The following TUBA3D variants were observed in gnomAD, a reference collection of about 807,000 sequenced individuals.
TUBA3D encodes the protein tubulin alpha 3d, also known as tubulin alpha-3D chain.
TUBA3D carries 24 observed loss-of-function variants against 36.1 expected under a neutral mutation model. The ratio of observed to expected loss-of-function variants is 0.66; its 90% CI spans 0.48 to 0.93. The LOEUF (loss-of-function observed/expected upper bound fraction) is 0.93, where lower values mean the gene tolerates loss of function less well. TUBA3D is among the 40% of genes least tolerant of loss of function. TUBA3D has a pLI of 0.00. For synonymous variants in TUBA3D, 185 were observed against 247.2 expected (o/e 0.75, Z 2.36); for missense variants, 356 against 614.5 (o/e 0.58, Z 4.45).
At position 131,480,505 on chromosome 2, in the gene TUBA3D, C is replaced by T; in HGVS notation, c.812C>T (p.Thr271Ile). ...PYPRIHFPLA[T>I]YAPVISAEKA... ...CCCCGCATCCACTTCCCCCTGGCCA[C>T]CTATGCCCCAGTCATCTCAGCTGAG... The change falls in exon 4 of 5, where the codon ACC (threonine) becomes ATC (isoleucine). Residue 271 changes from threonine (T) to isoleucine (I), a missense_variant. Around this residue, in one of 3 missense-constraint regions of TUBA3D, gnomAD observed 91 missense variants for 240.9 expected, o/e 0.38. Coordinates refer to ENST00000321253, the MANE Select transcript of TUBA3D (RefSeq NM_080386.4). 6.3e-7 allele frequency: 1 copy of T among 1,592,300 alleles called. No homozygotes were observed. Among genetic ancestry groups the T allele is most frequent in the Non-Finnish European group, 8.5e-7 (1 of 1,173,036 alleles).
In TUBA3D at chr2:131,480,224, C is replaced by G. The variant is rs745448283; in HGVS notation, c.531C>G (p.Val177=). ...TTGCCATTTACCCAGCCCCCCAGGT[C>G]TCCACAGCCGTGGTGGAGCCCTACA... The part of the protein sequence containing the change: ...LEFAIYPAPQ[V]STAVVEPYNS... Residue 177 remains valine (V), a synonymous_variant, in exon 4 of 5, where the codon GTC becomes GTG. Transcript: ENST00000321253. 1.2e-6 allele frequency: 2 copies of G among 1,614,030 alleles called. No individual in the cohort carries two copies. The highest frequency in any genetic ancestry group is 1.7e-6 in the Non-Finnish European group (2 of 1,180,046).
intron 4 of TUBA3D, among the ~76,000 whole-genome samples, chr2:131,481,539 A>G (rs368211713): frequency 3.3e-5 from 5 of 151,096 alleles, no homozygotes; most frequent in Admixed American, 6.6e-5. Context: ...GGGCTCAAGC[A>G]GTTCTCTGCC....
Position 131,482,856 on chromosome 2 carries a change from G to C in TUBA3D, c.*8G>C. The C allele has an allele frequency of 6.2e-7, 1 of 1,610,478 alleles. No homozygotes were observed. Among genetic ancestry groups the C allele is most frequent in the South Asian group, 1.1e-5 (1 of 90,712 alleles). On this transcript the variant is annotated 3_prime_UTR_variant, in exon 5 of 5. Transcript: ENST00000321253. The stretch of plus-strand genomic sequence containing the variant: ...GAAGGCGAAGAATACTGAGGGGAGG[G>C]TGTGGTGGGTTCTCCCCTGCCACCC...
chr2:131,482,923 G>A lies in TUBA3D; in HGVS notation c.*75G>A. On this transcript the variant is annotated 3_prime_UTR_variant, in exon 5 of 5. Coordinates refer to ENST00000321253, the MANE Select transcript of TUBA3D (RefSeq NM_080386.4). ...CAAGTTGTTTGCAATTAAAGGTTCT[G>A]TATAAAACCAAGCCCTCTGTGTGTC... 1.3e-6 allele frequency: 2 copies of A among 1,558,978 alleles called. No homozygotes were observed. Among genetic ancestry groups the A allele is most frequent in the Non-Finnish European group, 1.7e-6 (2 of 1,151,788 alleles).
intron 2 of TUBA3D, chr2:131,478,771 A>T (rs1678754729): frequency 3.5e-6 from 1 of 285,054 alleles, no homozygotes; most frequent in African/African-American, 2.2e-5. Context: ...CATAGAAGGT[A>T]AGTACAGAAC....
In TUBA3D at chr2:131,476,197, G is replaced by C. The variant is rs200249448; in HGVS notation, c.-3G>C. On this transcript the variant is annotated 5_prime_UTR_variant, in exon 1 of 5. Coordinates refer to ENST00000321253, the MANE Select transcript of TUBA3D (RefSeq NM_080386.4). ...GCGTTGGGCTGAAGCAGCGGAGTTC[G>C]CCATGGTAAGGCCCGGGTCACTCCC... The C allele has an allele frequency of 6.2e-7, 1 of 1,613,836 alleles. No individual in the cohort carries two copies. Among genetic ancestry groups the C allele is most frequent in the African/African-American group, 1.3e-5 (1 of 74,928 alleles).
At position 131,482,877 on chromosome 2, in the gene TUBA3D, C is replaced by T. The variant is rs768500922; in HGVS notation, c.*29C>T. 2.5e-6 allele frequency: 4 copies of T among 1,600,196 alleles called. No individual in the cohort carries two copies. Among genetic ancestry groups the T allele is most frequent in the Non-Finnish European group, 3.4e-6 (4 of 1,171,884 alleles). ...GAGGGTGTGGTGGGTTCTCCCCTGC[C>T]ACCCCCGGGATGGCTGCTTCCAAGT... On this transcript the variant is annotated 3_prime_UTR_variant, in exon 5 of 5. Coordinates refer to ENST00000321253, the MANE Select transcript of TUBA3D (RefSeq NM_080386.4).
At chr2:131,479,206 T>A (rs1204669894) in intron 2 of TUBA3D, 102 bp from the exon 3 acceptor site, 1 of 1,514,050 alleles carries the variant, frequency 6.6e-7, no homozygotes, top group Non-Finnish European at 8.9e-7. Context: ...GGTCATGTAC[T>A]TTGAACAGCA....
In TUBA3D at chr2:131,476,153, C is replaced by T. The variant is rs1397564084; in HGVS notation, c.-47C>T. The T allele has an allele frequency of 3.1e-6, 5 of 1,613,302 alleles. No individual in the cohort carries two copies. The East Asian group carries it at 6.7e-5, about 22-fold the overall frequency. ...TTGGGCGCTCAGCAGCTGTGGCAGCCGGTTGAGGTCTGGCAGTAGCGTTGG... is the reference window on the plus strand; with the variant it reads ...TTGGGCGCTCAGCAGCTGTGGCAGCTGGTTGAGGTCTGGCAGTAGCGTTGG... On this transcript the variant is annotated 5_prime_UTR_variant, in exon 1 of 5. Transcript: ENST00000321253.
At position 131,478,097 on chromosome 2, in the gene TUBA3D, T is replaced by C. The variant is rs986415142; in HGVS notation, c.4-67T>C. 4 of 1,558,100 alleles carry C rather than the reference T, an allele frequency of 2.6e-6. No homozygotes were observed. In the African/African-American group the frequency reaches 5.5e-5, roughly 21 times the overall value. ...GTATATAAATATTAAATTAGAATAT[T>C]TTGCATGCCATATAGTTTCAAGTTG... is the stretch of plus-strand genomic sequence containing the variant. On this transcript the variant is annotated intron_variant, in intron 1 of 4. Transcript: ENST00000321253.
intron 1 of TUBA3D, among the ~76,000 whole-genome samples, chr2:131,477,020 T>A (rs1324696616): frequency 7.2e-6 from 1 of 139,476 alleles, no homozygotes; most frequent in African/African-American, 3.1e-5. Flanking sequence ...TATCCTTTTT[T>A]TCCTTTCTTT....
In TUBA3D at chr2:131,479,346, C is replaced by A; in HGVS notation, c.265C>A (p.Pro89Thr). The change falls in exon 3 of 5, where the codon CCG becomes ACG. Residue 89 changes from proline to threonine, a missense_variant. Pro to Thr is a conservative substitution (Grantham distance 38). Coordinates refer to ENST00000321253, the MANE Select transcript of TUBA3D (RefSeq NM_080386.4). ...AGGGACCTACAGGCAGCTCTTCCAC[C>A]CGGAGCAGCTGATCACCGGGAAGGA... Reference protein sequence around the residue: ...RTGTYRQLFHPEQLITGKEDA... With the variant: ...RTGTYRQLFHTEQLITGKEDA... The A allele has an allele frequency of 6.2e-7, 1 of 1,614,124 alleles. No homozygotes were observed. The highest frequency in any genetic ancestry group is 1.3e-5 in the African/African-American group (1 of 75,030).
At chr2:131,476,617 G>C (rs1411731636) in intron 1 of TUBA3D, among the ~76,000 whole-genome samples, 1 of 152,170 alleles carries the variant, frequency 6.6e-6, no homozygotes, top group Non-Finnish European at 1.5e-5. Flanking sequence ...AGACGCTGCT[G>C]CAACATTGCC....
rs772833046 is a variant in TUBA3D at position 131,482,813 on chromosome 2, G to A, written c.1318G>A (p.Val440Met). Residue 440 changes from valine (V) to methionine (M), a missense_variant, in exon 5 of 5, where the codon GTG becomes ATG. This residue lies in a region of TUBA3D where 156 missense variants were observed against 219.8 expected (regional missense o/e 0.71). Coordinates refer to ENST00000321253, the MANE Select transcript of TUBA3D (RefSeq NM_080386.4). ...TTATGAAGAGGTGGGCGTGGATTCC[G>A]TGGAAGCTGAGGCTGAAGAAGGCGA... ...KDYEEVGVDS[V>M]EAEAEEGEEY The A allele has an allele frequency of 2.2e-5, 36 of 1,614,080 alleles. No homozygotes were observed. The highest frequency in any genetic ancestry group is 3.3e-4 in the Middle Eastern group (2 of 6,084).
chr2:131,482,870 C>A lies in TUBA3D; in HGVS notation c.*22C>A. On this transcript the variant is annotated 3_prime_UTR_variant, in exon 5 of 5. Transcript: ENST00000321253. Reference sequence around the variant, plus strand: ...CTGAGGGGAGGGTGTGGTGGGTTCTCCCCTGCCACCCCCGGGATGGCTGCT... The same window carrying A: ...CTGAGGGGAGGGTGTGGTGGGTTCTACCCTGCCACCCCCGGGATGGCTGCT... 6.2e-7 allele frequency: 1 copy of A among 1,601,786 alleles called. No homozygotes were observed. The highest frequency in any genetic ancestry group is 8.5e-7 in the Non-Finnish European group (1 of 1,172,856).
chr2:131,479,264 G>C, intron 2 of TUBA3D, 44 bp from the exon 3 acceptor site: 1 of 1,604,106 alleles, frequency 6.2e-7, no homozygotes, highest in Non-Finnish European at 8.5e-7. Context: ...ATCTTGGTGA[G>C]TACAGGCCTT....
rs768185655 is a variant in TUBA3D at position 131,480,682 on chromosome 2, C to T, written c.989C>T (p.Ala330Val). 28 of 1,613,672 alleles carry T rather than the reference C, an allele frequency of 1.7e-5. No individual in the cohort carries two copies. Among genetic ancestry groups the T allele is most frequent in the Middle Eastern group, 1.6e-4 (1 of 6,078 alleles). The change falls in exon 4 of 5, where the codon GCG becomes GTG. Residue 330 changes from alanine (A) to valine (V), a missense_variant. By Grantham distance (64) the Ala-to-Val change is moderately conservative. Transcript: ENST00000321253. Reference sequence around the variant, plus strand: ...GACGTGGTCCCCAAAGACGTCAACGCGGCCATCGCCACCATCAAGACCAAG... The same window carrying T: ...GACGTGGTCCCCAAAGACGTCAACGTGGCCATCGCCACCATCAAGACCAAG... Reference protein sequence around the residue: ...RGDVVPKDVNAAIATIKTKRT... With the variant: ...RGDVVPKDVNVAIATIKTKRT...
chr2:131,480,843 C>T, intron 4 of TUBA3D, 94 bp downstream of exon 4: 1 of 1,518,936 alleles, frequency 6.6e-7, no homozygotes, highest in South Asian at 1.3e-5. Context: ...GAGATTATCC[C>T]TGTTCCATGG....
intron 3 of TUBA3D, among the ~76,000 whole-genome samples, chr2:131,479,798 C>T (rs190922539): frequency 6.6e-6 from 1 of 152,134 alleles, no homozygotes; most frequent in Non-Finnish European, 1.5e-5. Context: ...TGAGATTGCA[C>T]TACTGCACTC....
Sources: gnomAD v4.1 joint callset for allele counts (sites outside exome capture counted in the v4.1 genomes callset) on GRCh38, gnomAD v4.1.1 for gene constraint, gnomAD v4.1.1 regional missense constraint, MANE v1.5 for transcripts, NCBI Gene and HGNC (gene_info 2026-07-23, HGNC 2026-07-21) for gene names.